Variants in CDK14 observed in about 807,000 individuals in gnomAD.
The protein encoded by CDK14 is cyclin dependent kinase 14.
In CDK14, 34 loss-of-function variants were observed where a neutral mutation model predicts 60.7. The ratio of observed to expected loss-of-function variants is 0.56; its 90% CI spans 0.43 to 0.75. The LOEUF is 0.75. Ranked by LOEUF, CDK14 falls within the 30% of genes least tolerant of loss-of-function variation. CDK14 has a pLI of 0.00. For synonymous variants in CDK14, 197 were observed against 203.7 expected (o/e 0.97, Z 0.28); for missense variants, 482 against 564.1 (o/e 0.85, Z 1.47).
At chr7:90,733,146 G>GCA in intron 3 of CDK14, among the ~76,000 whole-genome samples, 2 of 152,014 alleles carry the variant, frequency 1.3e-5, no homozygotes, top group East Asian at 3.9e-4. Flanking sequence ...GTACTTATGT[G>GCA]GTTTTGAGTG....
intron 2 of CDK14, among the ~76,000 whole-genome samples, chr7:90,685,433 C>T (rs543700895): frequency 1.3e-5 from 2 of 152,034 alleles, no homozygotes; most frequent in South Asian, 4.2e-4. Flanking sequence ...AAATTTAAAA[C>T]ATTTTCTATT....
At chr7:90,716,698 G>A (rs113598021) in intron 2 of CDK14, among the ~76,000 whole-genome samples, 3 of 151,916 alleles carry the variant, frequency 2.0e-5, no homozygotes, top group East Asian at 3.9e-4. Flanking sequence ...GATAACTACC[G>A]TGAACTTTTG....
At chr7:90,989,701 T>A (rs935840147) in intron 10 of CDK14, among the ~76,000 whole-genome samples, 1 of 152,136 alleles carries the variant, frequency 6.6e-6, no homozygotes. Flanking sequence ...TGTGCTCTAA[T>A]CCAAGGTTTT....
chr7:90,985,723 T>C (rs1795355760), intron 10 of CDK14, among the ~76,000 whole-genome samples: 1 of 152,156 alleles, frequency 6.6e-6, no homozygotes, highest in Non-Finnish European at 1.5e-5. Context: ...GTGATTCCTC[T>C]ATGCAGTAGC....
chr7:90,826,743 TG>T (rs1242846346), intron 5 of CDK14, among the ~76,000 whole-genome samples: 1 of 152,220 alleles, frequency 6.6e-6, no homozygotes, highest in Admixed American at 6.5e-5. Context: ...TTTAGGTTTA[TG>T]GAGAAATTGA....
chr7:90,747,562 C>T, intron 3 of CDK14, 119 bp from the exon 4 acceptor site: 1 of 621,930 alleles, frequency 1.6e-6, no homozygotes, highest in South Asian at 2.0e-5. Context: ...ACATGTATGC[C>T]AGAAAAAACA....
chr7:90,950,517 T>C (rs1794225002), intron 8 of CDK14, among the ~76,000 whole-genome samples: 1 of 152,136 alleles, frequency 6.6e-6, no homozygotes, highest in Non-Finnish European at 1.5e-5. Flanking sequence ...GAGGGAAAAT[T>C]ATAAAGTAAA....
At chr7:91,005,388 C>A (rs1795955213) in intron 10 of CDK14, among the ~76,000 whole-genome samples, 1 of 152,172 alleles carries the variant, frequency 6.6e-6, no homozygotes, top group Non-Finnish European at 1.5e-5. Context: ...TGTCAGCTGG[C>A]AGGGGAGAAA....
At chr7:90,622,670 A>G (rs1799795382) in intron 2 of CDK14, among the ~76,000 whole-genome samples, 1 of 152,180 alleles carries the variant, frequency 6.6e-6, no homozygotes, top group African/African-American at 2.4e-5. Context: ...GGGTGAAGCA[A>G]TATCTACTAA....
intron 4 of CDK14, among the ~76,000 whole-genome samples, chr7:90,760,137 C>G (rs184971665): frequency 6.6e-6 from 1 of 152,238 alleles, no homozygotes; most frequent in East Asian, 1.9e-4. Flanking sequence ...AATTGAGAGA[C>G]TACACCAAAC....
intron 11 of CDK14, among the ~76,000 whole-genome samples, chr7:91,058,550 A>G (rs527490795): frequency 6.6e-6 from 1 of 152,364 alleles, no homozygotes; most frequent in African/African-American, 2.4e-5. Context: ...GGTTTGTCAT[A>G]GATAGCTTAT....
At chr7:90,935,687 G>T (rs1185988875) in intron 8 of CDK14, among the ~76,000 whole-genome samples, 1 of 151,892 alleles carries the variant, frequency 6.6e-6, no homozygotes, top group African/African-American at 2.4e-5. Flanking sequence ...GATTTTCCAT[G>T]TATTTGCTTT....
At chr7:90,947,821 CAA>C (rs901125825) in intron 8 of CDK14, among the ~76,000 whole-genome samples, 3 of 152,100 alleles carry the variant, frequency 2.0e-5, no homozygotes, top group African/African-American at 4.8e-5. Context: ...AACACACTAA[CAA>C]GAGCATATGT....
At chr7:90,949,049 A>G (rs375783532) in intron 8 of CDK14, among the ~76,000 whole-genome samples, 1 of 152,220 alleles carries the variant, frequency 6.6e-6, no homozygotes, top group Non-Finnish European at 1.5e-5. Flanking sequence ...AAAAGAGAAA[A>G]AACAGAAAAA....
intron 2 of CDK14, among the ~76,000 whole-genome samples, chr7:90,723,299 A>C (rs1802521503): frequency 6.6e-6 from 1 of 152,204 alleles, no homozygotes; most frequent in African/African-American, 2.4e-5. Flanking sequence ...AAAAAATCTT[A>C]GTTCCTATGG....
intron 11 of CDK14, among the ~76,000 whole-genome samples, chr7:91,058,907 T>C (rs570585348): frequency 4.6e-5 from 7 of 152,362 alleles, no homozygotes; most frequent in African/African-American, 1.7e-4. Flanking sequence ...ATCAGGATGA[T>C]GCTGGCCTCA....
At chr7:90,618,698 A>C (rs1366462230) in intron 2 of CDK14, among the ~76,000 whole-genome samples, 1 of 152,170 alleles carries the variant, frequency 6.6e-6, no homozygotes, top group Non-Finnish European at 1.5e-5. Flanking sequence ...ATGGCTCCTA[A>C]AAAAAGACTT....
intron 12 of CDK14, among the ~76,000 whole-genome samples, chr7:91,108,879 C>T (rs1350353863): frequency 6.6e-6 from 1 of 152,116 alleles, no homozygotes; most frequent in Non-Finnish European, 1.5e-5. Context: ...TTAATGTCTG[C>T]ATTTGAGGTG....
At chr7:90,695,152 CTGTGCTCCTTCCT>C (rs1801629187) in intron 2 of CDK14, among the ~76,000 whole-genome samples, 1 of 152,176 alleles carries the variant, frequency 6.6e-6, no homozygotes, top group African/African-American at 2.4e-5. Context: ...CATCTTTCAC[CTGTGCTCCTTCCT>C]TGTCCCCCAC....
Sources: gnomAD v4.1 joint callset for allele counts (sites outside exome capture counted in the v4.1 genomes callset) on GRCh38, gnomAD v4.1.1 for gene constraint, MANE v1.5 for transcripts, NCBI Gene and HGNC (gene_info 2026-07-23, HGNC 2026-07-21) for gene names.